Variants in NELL2 observed in about 807,000 individuals in gnomAD.
NELL2 encodes the protein neural EGFL like 2.
A neutral mutation model predicts 109.6 loss-of-function variants in NELL2; 41 were observed. The observed-to-expected ratio is 0.37, with a 90% CI of 0.29 to 0.49. The LOEUF (loss-of-function observed/expected upper bound fraction) is 0.49, where lower values mean the gene tolerates loss of function less well. NELL2 is among the 20% of genes least tolerant of loss of function. The pLI, the probability that NELL2 is intolerant of heterozygous loss-of-function variation, is 0.98. For synonymous variants in NELL2, 355 were observed against 344.7 expected (o/e 1.03, Z -0.33); for missense variants, 900 against 1,008.3 (o/e 0.89, Z 1.45).
intron 2 of NELL2, among the ~76,000 whole-genome samples, chr12:44,827,169 G>C (rs1462461904): frequency 6.6e-6 from 1 of 151,980 alleles, no homozygotes; most frequent in Non-Finnish European, 1.5e-5. Context: ...AAATTATGTG[G>C]ATCCAAGGTA....
At chr12:44,756,659 T>C (rs1940905188) in intron 9 of NELL2, among the ~76,000 whole-genome samples, 1 of 152,156 alleles carries the variant, frequency 6.6e-6, no homozygotes, top group African/African-American at 2.4e-5. Context: ...CTACCATGTA[T>C]CACTTCCTAC....
At chr12:44,599,984 T>C (rs1473555159) in intron 15 of NELL2, among the ~76,000 whole-genome samples, 2 of 131,284 alleles carry the variant, frequency 1.5e-5, no homozygotes, top group Non-Finnish European at 3.2e-5. Context: ...TTTTTTGAGA[T>C]GGAGTCTCGC....
At chr12:44,846,759 A>G (rs1364515611) in intron 2 of NELL2, among the ~76,000 whole-genome samples, 1 of 134,214 alleles carries the variant, frequency 7.5e-6, no homozygotes, top group African/African-American at 2.6e-5. Flanking sequence ...ATGCAAGTGT[A>G]CATATTTGTA....
Position 44,666,943 on chromosome 12 carries a change from C to G in NELL2, c.1319-1334G>C, listed in dbSNP as rs564576398. 7.2e-5 allele frequency among the ~76,000 whole-genome samples: 11 copies of G among 152,226 alleles called. 1 individual carries two copies. The South Asian group carries it at 2.3e-3, about 32-fold the overall frequency. On this transcript the variant is annotated intron_variant, in intron 12 of 19. Coordinates refer to ENST00000429094, the MANE Select transcript of NELL2 (RefSeq NM_001145108.2). Reference sequence around the variant, plus strand: ...TTCTCTCTACTTATAACTGCTATACCTTCTCTCCCTGACACCATCCCAGTG... The same window carrying G: ...TTCTCTCTACTTATAACTGCTATACGTTCTCTCCCTGACACCATCCCAGTG...
intron 15 of NELL2, among the ~76,000 whole-genome samples, chr12:44,551,219 A>C (rs1943034195): frequency 6.6e-6 from 1 of 152,156 alleles, no homozygotes; most frequent in South Asian, 2.1e-4. Context: ...CCCCTAATTC[A>C]ATACTATATC....
At chr12:44,886,067 A>G (rs1945467524) in intron 1 of NELL2, among the ~76,000 whole-genome samples, 1 of 149,698 alleles carries the variant, frequency 6.7e-6, no homozygotes, top group Non-Finnish European at 1.5e-5. Flanking sequence ...TGCCAGAACA[A>G]TGGAACATCC....
At chr12:44,586,987 T>A (rs992418459) in intron 15 of NELL2, among the ~76,000 whole-genome samples, 2 of 152,000 alleles carry the variant, frequency 1.3e-5, no homozygotes, top group African/African-American at 4.8e-5. Context: ...ATATTTTAAG[T>A]ATGGGCCGGG....
intron 16 of NELL2, among the ~76,000 whole-genome samples, chr12:44,530,275 A>C (rs543128078): frequency 1.3e-5 from 2 of 152,240 alleles, no homozygotes; most frequent in East Asian, 3.8e-4. Flanking sequence ...TCAGTTAAGT[A>C]GGCAGGCCAC....
chr12:44,818,349 T>A (rs1423459784), intron 2 of NELL2, among the ~76,000 whole-genome samples: 1 of 152,250 alleles, frequency 6.6e-6, no homozygotes, highest in Admixed American at 6.5e-5. Context: ...ATAAATATTA[T>A]GCTTCTCCTC....
In NELL2 at chr12:44,876,036, G is replaced by A. The variant is rs1945308845; in HGVS notation, c.-167C>T. On this transcript the variant is annotated 5_prime_UTR_variant, in exon 1 of 20. Transcript: ENST00000429094. ...TTGGTTGCCTAAGAAAGAAAAGGGAGGCCTCCCCAGGCGCGTGAAGAACTT... is the reference window on the plus strand; with the variant it reads ...TTGGTTGCCTAAGAAAGAAAAGGGAAGCCTCCCCAGGCGCGTGAAGAACTT... 6.1e-6 allele frequency: 9 copies of A among 1,482,766 alleles called. No homozygotes were observed. Among genetic ancestry groups the A allele is most frequent in the Non-Finnish European group, 8.0e-6 (9 of 1,123,062 alleles). The allele number at this position is 1,482,766 out of a possible 1,614,324, so 91.9% of individuals were successfully genotyped here.
intron 9 of NELL2, among the ~76,000 whole-genome samples, chr12:44,762,072 TA>T (rs1566333901): frequency 6.6e-6 from 1 of 151,922 alleles, no homozygotes; most frequent in Non-Finnish European, 1.5e-5. Context: ...AACAAAAAAA[TA>T]GAAATTGTCA....
intron 9 of NELL2, among the ~76,000 whole-genome samples, chr12:44,736,429 T>C (rs940631615): frequency 1.3e-5 from 2 of 152,094 alleles, no homozygotes; most frequent in South Asian, 2.1e-4. Context: ...ACTAAGATTC[T>C]AGCATTCTAA....
chr12:44,562,766 T>C (rs1387541976), intron 15 of NELL2, among the ~76,000 whole-genome samples: 1 of 152,198 alleles, frequency 6.6e-6, no homozygotes, highest in Non-Finnish European at 1.5e-5. Context: ...TGGCAATTCC[T>C]GAAGGATCTA....
intron 9 of NELL2, among the ~76,000 whole-genome samples, chr12:44,717,631 A>G (rs1479008584): frequency 6.6e-6 from 1 of 152,170 alleles, no homozygotes; most frequent in Non-Finnish European, 1.5e-5. Flanking sequence ...AGGGATCATC[A>G]TTACCCTAAG....
chr12:44,731,164 C>T (rs1217688735), intron 9 of NELL2, among the ~76,000 whole-genome samples: 1 of 152,050 alleles, frequency 6.6e-6, no homozygotes, highest in Admixed American at 6.6e-5. Context: ...AGAATTCTAC[C>T]AAACATTTAA....
intron 9 of NELL2, among the ~76,000 whole-genome samples, chr12:44,741,868 G>A (rs147058371): frequency 2.8e-4 from 43 of 152,334 alleles, no homozygotes; most frequent in African/African-American, 9.9e-4. Context: ...GCCTCTGTAG[G>A]CTCCACCTCT....
At chr12:44,614,843 T>A (rs1945760829) in intron 13 of NELL2, among the ~76,000 whole-genome samples, 1 of 152,044 alleles carries the variant, frequency 6.6e-6, no homozygotes, top group South Asian at 2.1e-4. Flanking sequence ...AAAATAGATG[T>A]ACAATAGAAC....
In NELL2 at chr12:44,844,708, G is replaced by C. The variant is rs188538550; in HGVS notation, c.185-28572C>G. On this transcript the variant is annotated intron_variant, in intron 2 of 19. Coordinates refer to ENST00000429094, the MANE Select transcript of NELL2 (RefSeq NM_001145108.2). ...ATTAGAACTCAAAGAAATGTTAACA[G>C]ATGAGCACAAATATAAGTACATAAA... 7.7e-4 allele frequency among the ~76,000 whole-genome samples: 117 copies of C among 152,258 alleles called. 1 individual carries two copies. Among genetic ancestry groups the C allele is most frequent in the African/African-American group, 2.7e-3 (114 of 41,556 alleles).
At chr12:44,644,202 A>C (rs970050524) in intron 13 of NELL2, among the ~76,000 whole-genome samples, 3 of 152,148 alleles carry the variant, frequency 2.0e-5, no homozygotes, top group Non-Finnish European at 4.4e-5. Context: ...GTAGCAGCAG[A>C]AGAAAAAAAT....
Sources: gnomAD v4.1 joint callset for allele counts (sites outside exome capture counted in the v4.1 genomes callset) on GRCh38, gnomAD v4.1.1 for gene constraint, MANE v1.5 for transcripts, NCBI Gene and HGNC (gene_info 2026-07-23, HGNC 2026-07-21) for gene names.